Variants in ABCD3 observed in about 807,000 individuals in gnomAD.
The protein encoded by ABCD3 is ATP-binding cassette sub-family D member 3.
In ABCD3, 41 loss-of-function variants were observed where a neutral mutation model predicts 105.5. That is an observed-to-expected ratio of 0.39 (90% confidence interval 0.30 to 0.50). The LOEUF is 0.50. ABCD3 is among the 20% of genes least tolerant of loss of function. The pLI is 0.84. For missense variants in ABCD3, 622 were observed against 806.3 expected (o/e 0.77, Z 2.77); for synonymous variants, 258 against 269.0 (o/e 0.96, Z 0.40).
intron 1 of ABCD3, chr1:94,455,829 A>G (rs1045635378): frequency 1.9e-5 from 24 of 1,279,684 alleles, no homozygotes; most frequent in Non-Finnish European, 2.3e-5. Context: ...ACATGTGTAT[A>G]TATATATTTT....
chr1:94,406,884 T>C, the ABCD3 span: 26 of 163,120 alleles, frequency 1.6e-4, no homozygotes, highest in Admixed American at 4.5e-4. Flanking sequence ...GTTCATCATC[T>C]TGGCGAATGA....
intron 1 of ABCD3, among the ~76,000 whole-genome samples, chr1:94,440,612 G>A (rs1660097512): frequency 6.6e-6 from 1 of 152,190 alleles, no homozygotes; most frequent in Admixed American, 6.6e-5. Context: ...GTTTTCCAGT[G>A]AGTTCTTTTA....
At position 94,506,503 on chromosome 1, in the gene ABCD3, T is replaced by A. The variant is rs758246978; in HGVS notation, c.1741-35T>A. On this transcript the variant is annotated intron_variant, in intron 20 of 22. Coordinates refer to ENST00000370214, the MANE Select transcript of ABCD3 (RefSeq NM_002858.4). ...TCGGCTTACTAATTTTAGGTCTGCC[T>A]GTGTTTTACACAAAAAATTTTTTTT... The A allele has an allele frequency of 3.0e-6, 4 of 1,336,002 alleles. No homozygotes were observed. In the South Asian group the frequency reaches 3.5e-5, roughly 12 times the overall value. 82.8% of individuals were successfully genotyped at this position (1,336,002 alleles called of 1,614,324 possible).
chr1:94,400,332 G>A, the ABCD3 span, among the ~76,000 whole-genome samples: 1 of 151,438 alleles, frequency 6.6e-6, no homozygotes, highest in Non-Finnish European at 1.5e-5. Context: ...TTGAACACAG[G>A]AGCGGAGGTT....
chr1:94,500,590 T>A (rs1650047106), intron 20 of ABCD3, among the ~76,000 whole-genome samples: 1 of 152,092 alleles, frequency 6.6e-6, no homozygotes, highest in Non-Finnish European at 1.5e-5. Flanking sequence ...CCCTGCAGAG[T>A]ATGGAGATTA....
rs1570852048 is a variant in ABCD3 at position 94,518,468 on chromosome 1, A to G, written c.*1339A>G. 4.6e-5 allele frequency: 7 copies of G among 151,184 alleles called. No homozygotes were observed. The highest frequency in any genetic ancestry group is 1.7e-4 in the African/African-American group (7 of 41,288). 9.4% of individuals were successfully genotyped at this position (151,184 alleles called of 1,614,324 possible). ...CAATTTTTACCACTTCTGTTTAGCG[A>G]ACTTGTATACTTATTTTCTGTTCAG... On this transcript the variant is annotated 3_prime_UTR_variant, in exon 23 of 23. Coordinates refer to ENST00000370214, the MANE Select transcript of ABCD3 (RefSeq NM_002858.4).
chr1:94,462,691 T>C (rs1367572299), intron 2 of ABCD3, among the ~76,000 whole-genome samples: 3 of 152,168 alleles, frequency 2.0e-5, no homozygotes, highest in African/African-American at 7.2e-5. Context: ...TTGTCTTAGA[T>C]CATTTCTTTA....
rs142834652 is a variant in ABCD3, at chr1:94,431,305, A to G, written c.110+12717A>G. Among the ~76,000 whole-genome samples, 41 of 152,292 alleles carry G rather than the reference A, an allele frequency of 2.7e-4. 1 individual carries two copies. The East Asian group carries it at 7.5e-3, about 28-fold the overall frequency. On this transcript the variant is annotated intron_variant, in intron 1 of 22. Coordinates refer to ENST00000370214, the MANE Select transcript of ABCD3 (RefSeq NM_002858.4). The stretch of plus-strand genomic sequence containing the variant: ...GCTGGAGGAAGTAGCTTGGCCTGAG[A>G]TAGGCAGGTAGAAATCAATCAACTA...
At chr1:94,493,672 A>G (rs1393236176) in intron 16 of ABCD3, among the ~76,000 whole-genome samples, 3 of 152,120 alleles carry the variant, frequency 2.0e-5, no homozygotes, top group Non-Finnish European at 2.9e-5. Flanking sequence ...TATTCACAAT[A>G]GCAAAGACTT....
intron 21 of ABCD3, chr1:94,513,562 A>G (rs1348612127): frequency 6.6e-6 from 1 of 152,072 alleles, no homozygotes; most frequent in African/African-American, 2.4e-5. Context: ...TTAAATACAG[A>G]CAAAACTTAA....
intron 1 of ABCD3, among the ~76,000 whole-genome samples, chr1:94,432,077 C>T (rs1006013195): frequency 6.6e-6 from 1 of 152,206 alleles, no homozygotes; most frequent in East Asian, 1.9e-4. Context: ...TATCTATTCT[C>T]TCTTCCCCCA....
intron 4 of ABCD3, among the ~76,000 whole-genome samples, chr1:94,469,767 G>T (rs527598206): frequency 6.8e-6 from 1 of 147,140 alleles, no homozygotes; most frequent in Non-Finnish European, 1.5e-5. Flanking sequence ...CTGGGTTCAC[G>T]CCATTCTCCT....
At chr1:94,509,672 T>C (rs1650564076) in intron 21 of ABCD3, among the ~76,000 whole-genome samples, 1 of 152,214 alleles carries the variant, frequency 6.6e-6, no homozygotes, top group African/African-American at 2.4e-5. Flanking sequence ...CAGCTCCTGT[T>C]ATTGGTCTAT....
the ABCD3 span, among the ~76,000 whole-genome samples, chr1:94,405,265 G>A: frequency 9.9e-5 from 15 of 151,444 alleles, no homozygotes; most frequent in South Asian, 2.3e-3. Context: ...AATGCATGAG[G>A]GTATTTATTT....
At chr1:94,475,769 G>A in intron 7 of ABCD3, 32 bp downstream of exon 7, 2 of 1,565,452 alleles carry the variant, frequency 1.3e-6, no homozygotes, top group South Asian at 1.1e-5. Flanking sequence ...AAGATTATTT[G>A]TTTAATTTTT....
chr1:94,445,230 G>C (rs1437824541), intron 1 of ABCD3, among the ~76,000 whole-genome samples: 1 of 152,142 alleles, frequency 6.6e-6, no homozygotes, highest in Non-Finnish European at 1.5e-5. Context: ...CTATATTTCT[G>C]TGTGTGTGTG....
chr1:94,515,223 A>AAT (rs745543855), intron 22 of ABCD3, 21 bp downstream of exon 22: 1 of 1,579,740 alleles, frequency 6.3e-7, no homozygotes, highest in East Asian at 2.2e-5. Context: ...CTTTCATTGA[A>AAT]TGGTACAGTG....
the ABCD3 span, chr1:94,406,335 G>GT: frequency 0.19 from 33,974 of 177,066 alleles, 4,580 homozygotes; most frequent in Admixed American, 0.28. Flanking sequence ...ATAGTATTTT[G>GT]TTTTGTTTTT....
the ABCD3 span, among the ~76,000 whole-genome samples, chr1:94,385,485 C>A: frequency 7.9e-5 from 12 of 152,162 alleles, no homozygotes; most frequent in Non-Finnish European, 1.8e-4. Flanking sequence ...GAGGACTGTA[C>A]CCATGCTGTT....
Sources: gnomAD v4.1 joint callset for allele counts (sites outside exome capture counted in the v4.1 genomes callset) on GRCh38, gnomAD v4.1.1 for gene constraint, MANE v1.5 for transcripts, NCBI Gene and HGNC (gene_info 2026-07-23, HGNC 2026-07-21) for gene names.